The following PCNX2 variants were observed in gnomAD, a reference collection of about 807,000 sequenced individuals.
PCNX2 encodes pecanex-like protein 2.
PCNX2 carries 168 observed loss-of-function variants against 223.8 expected under a neutral mutation model. The ratio of observed to expected loss-of-function variants is 0.75; its 90% CI spans 0.66 to 0.85. PCNX2 has a LOEUF of 0.85. PCNX2 is among the 40% of genes least tolerant of loss of function. The pLI is 0.00. For synonymous variants in PCNX2, 1,006 were observed against 1,052.6 expected (o/e 0.96, Z 0.86); for missense variants, 2,507 against 2,675.5 (o/e 0.94, Z 1.39).
chr1:233,130,465 TTGTGTGTGTGTGTGTGTGTG>T (rs55865610), intron 21 of PCNX2, among the ~76,000 whole-genome samples: 3,336 of 136,466 alleles, frequency 0.024, 43 homozygotes, highest in East Asian at 0.048. Context: ...CCCCCAACTT[TTGTGTGTGTGTGTGTGTGTG>T]TGTGTGTGTG....
chr1:233,290,505 T>TA (rs2103028817), intron 1 of PCNX2, among the ~76,000 whole-genome samples: 1 of 152,310 alleles, frequency 6.6e-6, no homozygotes, highest in Non-Finnish European at 1.5e-5. Flanking sequence ...TTAAACTTTT[T>TA]ATAGTAAAAT....
At chr1:233,068,230 G>A (rs911292772) in intron 23 of PCNX2, among the ~76,000 whole-genome samples, 1 of 151,926 alleles carries the variant, frequency 6.6e-6, no homozygotes, top group Non-Finnish European at 1.5e-5. Context: ...ATATCCTTTT[G>A]GAATGAAGAA....
the PCNX2 span, among the ~76,000 whole-genome samples, chr1:233,306,431 C>T: frequency 6.6e-6 from 1 of 152,102 alleles, no homozygotes; most frequent in Non-Finnish European, 1.5e-5. Context: ...GCATGAAGCC[C>T]CATCTAAAAT....
At chr1:233,112,817 C>G (rs952040312) in intron 21 of PCNX2, 2 of 1,258,774 alleles carry the variant, frequency 1.6e-6, no homozygotes, top group Non-Finnish European at 2.1e-6. Flanking sequence ...CTTGATGTCC[C>G]AAATGGGGAG....
chr1:233,042,251 T>C (rs1247247729), intron 25 of PCNX2, among the ~76,000 whole-genome samples: 1 of 152,212 alleles, frequency 6.6e-6, no homozygotes, highest in Non-Finnish European at 1.5e-5. Flanking sequence ...CTTCCACTTC[T>C]GTGGATGAAC....
At chr1:233,058,100 G>A in intron 23 of PCNX2, 1 of 961,350 alleles carries the variant, frequency 1.0e-6, no homozygotes, top group Non-Finnish European at 1.2e-6. Context: ...ACTAGAACCA[G>A]CTTTGAACCT....
chr1:233,250,389 C>A (rs1173443753), intron 8 of PCNX2, among the ~76,000 whole-genome samples: 1 of 152,182 alleles, frequency 6.6e-6, no homozygotes, highest in Non-Finnish European at 1.5e-5. Context: ...TAAATGAGAA[C>A]TAACCACATT....
chr1:233,153,149 C>T (rs575088596), intron 19 of PCNX2, among the ~76,000 whole-genome samples: 2 of 152,334 alleles, frequency 1.3e-5, no homozygotes, highest in East Asian at 3.9e-4. Flanking sequence ...ATAACGCTTA[C>T]ACCCTGGCAG....
intron 32 of PCNX2, among the ~76,000 whole-genome samples, chr1:232,987,347 G>A (rs1046922596): frequency 1.3e-5 from 2 of 152,260 alleles, no homozygotes; most frequent in African/African-American, 4.8e-5. Flanking sequence ...TGTGCAGCCT[G>A]TGGTTCAGCT....
Position 233,090,097 on chromosome 1 carries a change from T to G in PCNX2, c.4040A>C (p.Tyr1347Ser). The G allele has an allele frequency of 6.2e-7, 1 of 1,613,918 alleles. No homozygotes were observed. Among genetic ancestry groups the G allele is most frequent in the Non-Finnish European group, 8.5e-7 (1 of 1,179,874 alleles). The part of the protein sequence containing the change: ...FLGSVIFITS[Y>S]VRPVKFWEKN... ...CTCCCAGAATTTCACTGGCCTGACA[T>G]ATGATGTGATGAAAATGACACTCCC... Residue 1347 changes from tyrosine (Y) to serine (S), a missense_variant, in exon 23 of 34, where the codon TAT (tyrosine) becomes TCT (serine). Coordinates refer to ENST00000258229, the MANE Select transcript of PCNX2 (RefSeq NM_014801.4).
chr1:233,186,801 A>G (rs1680120986), intron 15 of PCNX2, among the ~76,000 whole-genome samples: 1 of 152,240 alleles, frequency 6.6e-6, no homozygotes, highest in Admixed American at 6.5e-5. Context: ...GGTACTGAAG[A>G]AAAATGAGAT....
At position 233,291,099 on chromosome 1, in the gene PCNX2, G is replaced by A. The variant is rs1661737661; in HGVS notation, c.153+4227C>T. The stretch of plus-strand genomic sequence containing the variant: ...GCTCTTATATGTAGTATGTCAGGCA[G>A]CATAATGTCCTGGAAGGGCCAAAGA... On this transcript the variant is annotated intron_variant, in intron 1 of 33. Coordinates refer to ENST00000258229, the MANE Select transcript of PCNX2 (RefSeq NM_014801.4). 4.1e-6 allele frequency: 4 copies of A among 985,246 alleles called. No homozygotes were observed. In the South Asian group the frequency reaches 1.4e-4, roughly 35 times the overall value. 61.0% of individuals were successfully genotyped at this position (985,246 alleles called of 1,614,324 possible).
At chr1:232,985,966 C>T (rs1332075536) in intron 33 of PCNX2, 126 bp downstream of exon 33, 2 of 1,030,284 alleles carry the variant, frequency 1.9e-6, no homozygotes, top group East Asian at 5.2e-5. Flanking sequence ...ACTCTGGGAG[C>T]CCCATAGAGA....
chr1:233,263,892 G>A (rs1660192088), intron 1 of PCNX2, among the ~76,000 whole-genome samples: 1 of 152,050 alleles, frequency 6.6e-6, no homozygotes, highest in African/African-American at 2.4e-5. Context: ...GAAAAAGAAG[G>A]GAGAAAGGTT....
rs1237276117 is a variant in PCNX2, at chr1:233,184,313, A to G, written c.3067-5138T>C. Among the ~76,000 whole-genome samples, 16 of 152,070 alleles carry G rather than the reference A, an allele frequency of 1.1e-4. 1 individual carries two copies. The highest frequency in any genetic ancestry group is 1.0e-3 in the Admixed American group (16 of 15,278). ...TCGTTGAAATGAATTGTTCTGTGGA[A>G]GGCACTTAATTTCTCGGTGGTTCAG... On this transcript the variant is annotated intron_variant, in intron 15 of 33. Transcript: ENST00000258229.
intron 21 of PCNX2, among the ~76,000 whole-genome samples, chr1:233,123,235 T>A (rs866078307): frequency 1.3e-4 from 20 of 152,316 alleles, no homozygotes; most frequent in Middle Eastern, 3.4e-3. Context: ...GAATTCTCTA[T>A]ACTATCTTCA....
Position 233,291,849 on chromosome 1 carries a change from T to C in PCNX2, c.153+3477A>G, listed in dbSNP as rs1381401232. On this transcript the variant is annotated intron_variant, in intron 1 of 33. Transcript: ENST00000258229. ...TCAGTTTGTCCAAAAGAAAAGGAGGTTGGGAACTGTGTATTTGACATGAGG... is the reference window on the plus strand; with the variant it reads ...TCAGTTTGTCCAAAAGAAAAGGAGGCTGGGAACTGTGTATTTGACATGAGG... 5 of 981,762 alleles carry C rather than the reference T, an allele frequency of 5.1e-6. No individual in the cohort carries two copies. In the African/African-American group the frequency reaches 8.9e-5, roughly 18 times the overall value. The allele number at this position is 981,762 out of a possible 1,614,324, so 60.8% of individuals were successfully genotyped here.
At chr1:233,053,437 T>G (rs1672077744) in intron 25 of PCNX2, among the ~76,000 whole-genome samples, 1 of 152,206 alleles carries the variant, frequency 6.6e-6, no homozygotes, top group Admixed American at 6.5e-5. Flanking sequence ...AGAACCCTAT[T>G]TACTTCTTTC....
At chr1:233,133,452 A>G (rs1285568979) in intron 21 of PCNX2, among the ~76,000 whole-genome samples, 1 of 152,216 alleles carries the variant, frequency 6.6e-6, no homozygotes, top group Non-Finnish European at 1.5e-5. Context: ...CAGGGTCTAC[A>G]ATAAAATACA....
Sources: gnomAD v4.1 joint callset for allele counts (sites outside exome capture counted in the v4.1 genomes callset) on GRCh38, gnomAD v4.1.1 for gene constraint, MANE v1.5 for transcripts, NCBI Gene and HGNC (gene_info 2026-07-23, HGNC 2026-07-21) for gene names.